FYB2: variants seen among roughly 807,000 people sequenced by gnomAD.
FYB2 encodes FYN-binding protein 2.
In FYB2, 103 loss-of-function variants were observed where a neutral mutation model predicts 94.1. The ratio of observed to expected loss-of-function variants is 1.09; its 90% CI spans 0.93 to 1.29. The LOEUF (loss-of-function observed/expected upper bound fraction) is 1.29, where lower values mean the gene tolerates loss of function less well. FYB2 is among the 50% of genes most tolerant of loss of function. FYB2 has a pLI of 0.00. For missense variants in FYB2, 896 were observed against 841.5 expected, an observed-to-expected ratio of 1.06 and a Z score of -0.80; for synonymous variants, 293 against 287.9, an observed-to-expected ratio of 1.02 and a Z score of -0.18.
intron 15 of FYB2, among the ~76,000 whole-genome samples, chr1:56,734,533 A>C (rs1258210875): frequency 1.3e-5 from 2 of 152,106 alleles, no homozygotes. Flanking sequence ...TGAAGCTGGA[A>C]ACCATCATCC....
Position 56,792,747 on chromosome 1 carries a change from T to C in FYB2, c.66A>G (p.Pro22=), listed in dbSNP as rs962254098. 1.2e-6 allele frequency: 2 copies of C among 1,613,860 alleles called. No homozygotes were observed. The highest frequency in any genetic ancestry group is 3.3e-5 in the Admixed American group (2 of 59,984). Residue 22 remains proline (P), a synonymous_variant, in exon 2 of 20, where the codon CCA becomes CCG. Transcript: ENST00000343433. Reference sequence around the variant, plus strand: ...GGAATTTAATAGGTCCTGGAAGAGGTGGAGCATCAAGATTTTGAAATTTGG... The same window carrying C: ...GGAATTTAATAGGTCCTGGAAGAGGCGGAGCATCAAGATTTTGAAATTTGG... ...LRAKFQNLDA[P]PLPGPIKFPA... is the part of the protein sequence containing the mutation.
intron 4 of FYB2, among the ~76,000 whole-genome samples, chr1:56,772,390 G>T (rs1216278572): frequency 6.6e-6 from 1 of 152,078 alleles, no homozygotes; most frequent in Non-Finnish European, 1.5e-5. Context: ...AAAAAAGAAG[G>T]TTGCAGATGT....
rs567182369 is a variant in FYB2, at chr1:56,803,282, C to T, written c.10-10479G>A. On this transcript the variant is annotated intron_variant, in intron 1 of 19. Transcript: ENST00000343433. ...GATAAATAAAGACCATAAATTGTCT[C>T]ATGTTGGTTCAGGCAGGCTTTTGAA... 2.0e-5 allele frequency among the ~76,000 whole-genome samples: 3 copies of T among 152,304 alleles called. No homozygotes were observed. In the South Asian group the frequency reaches 6.2e-4, roughly 32 times the overall value.
intron 4 of FYB2, among the ~76,000 whole-genome samples, chr1:56,774,629 TACC>T (rs1645833695): frequency 6.6e-6 from 1 of 152,146 alleles, no homozygotes; most frequent in Non-Finnish European, 1.5e-5. Flanking sequence ...CACACAATCC[TACC>T]ACCACATGTA....
chr1:56,776,040 A>G (rs183616334), intron 4 of FYB2, among the ~76,000 whole-genome samples: 7 of 152,324 alleles, frequency 4.6e-5, no homozygotes, highest in African/African-American at 1.4e-4. Flanking sequence ...TGCCCAAGAT[A>G]GCACTGCTAA....
chr1:56,744,484 C>A, intron 9 of FYB2, among the ~76,000 whole-genome samples: 1 of 151,888 alleles, frequency 6.6e-6, no homozygotes, highest in Non-Finnish European at 1.5e-5. Context: ...ATGCTAACAC[C>A]GAATCATGTG....
chr1:56,767,833 A>G lies in FYB2; in HGVS notation c.1059T>C (p.Ala353=). ...TAATTGGCTTAGCAGACTTACGATC[A>G]GCAATTTCTTTTGCAGTGCACAGGT... ...SINLCTAKEI[A]DPTYEVGIEE... is the part of the protein sequence containing the mutation. Residue 353 remains alanine (A), a synonymous_variant, in exon 5 of 20, where the codon GCT becomes GCC. Transcript: ENST00000343433. 6.3e-7 allele frequency: 1 copy of G among 1,597,058 alleles called. No homozygotes were observed. The highest frequency in any genetic ancestry group is 8.6e-7 in the Non-Finnish European group (1 of 1,166,952).
rs1373289656 is a variant in FYB2 at position 56,757,658 on chromosome 1, TTTTTCTTTCTTTCCTCTTTCCTTCCTTCC to T, written c.1098+1029_1098+1057del. On this transcript the variant is annotated intron_variant, in intron 6 of 19. Transcript: ENST00000343433. ...TCTTTTCTTTTCCTTTCTTTCTTTC[TTTTTCTTTCTTTCCTCTTTCCTTCCTTCC>T]TTCTTTCTTTCTTTCTTTCTTTCTT... 2.0e-5 allele frequency among the ~76,000 whole-genome samples: 3 copies of T among 147,226 alleles called. No individual in the cohort carries two copies. In the East Asian group the frequency reaches 6.2e-4, roughly 31 times the overall value.
chr1:56,730,431 A>T (rs1569873704), intron 15 of FYB2, among the ~76,000 whole-genome samples: 1 of 98,202 alleles, frequency 1.0e-5, no homozygotes. Flanking sequence ...GGGGAGGGGG[A>T]GAGGGAGGGG....
intron 16 of FYB2, 129 bp downstream of exon 16, chr1:56,726,368 G>A (rs1276048064): frequency 1.3e-6 from 1 of 757,398 alleles, no homozygotes; most frequent in African/African-American, 1.8e-5. Context: ...TGATGTAGGT[G>A]TTGTTATTCT....
chr1:56,768,824 A>G (rs563236721), intron 4 of FYB2, among the ~76,000 whole-genome samples: 16 of 152,290 alleles, frequency 1.1e-4, no homozygotes, highest in Middle Eastern at 3.4e-3. Flanking sequence ...TTAATTTAAA[A>G]TACATGTGTT....
intron 2 of FYB2, 57 bp downstream of exon 2, chr1:56,791,999 T>G: frequency 6.6e-7 from 1 of 1,512,662 alleles, no homozygotes; most frequent in Non-Finnish European, 8.8e-7. Context: ...GGTTTTCAAG[T>G]AGAAAAACAT....
chr1:56,733,211 T>C (rs1372114057), intron 15 of FYB2, among the ~76,000 whole-genome samples: 1 of 152,048 alleles, frequency 6.6e-6, no homozygotes, highest in Non-Finnish European at 1.5e-5. Flanking sequence ...ACCAATAGTT[T>C]ATTTGGGTAG....
At chr1:56,733,409 T>C (rs1003753882) in intron 15 of FYB2, among the ~76,000 whole-genome samples, 4 of 151,636 alleles carry the variant, frequency 2.6e-5, no homozygotes, top group African/African-American at 7.2e-5. Context: ...TTTTTGAAGG[T>C]TTTTTTGTGT....
intron 15 of FYB2, among the ~76,000 whole-genome samples, chr1:56,735,803 G>A (rs990641460): frequency 4.6e-5 from 7 of 152,054 alleles, no homozygotes; most frequent in Non-Finnish European, 7.4e-5. Context: ...CCAGCCACGC[G>A]GAACTGCGAG....
chr1:56,797,399 A>C (rs748530252), intron 1 of FYB2, among the ~76,000 whole-genome samples: 24 of 152,270 alleles, frequency 1.6e-4, no homozygotes, highest in Non-Finnish European at 1.9e-4. Context: ...TAGGTAAAGC[A>C]GCATCTCTCC....
chr1:56,751,398 A>G (rs1000712597), intron 8 of FYB2, among the ~76,000 whole-genome samples, 195 bp from the exon 9 acceptor site: 3 of 152,036 alleles, frequency 2.0e-5, no homozygotes, highest in East Asian at 1.9e-4. Context: ...TGAATGTTCA[A>G]TGAATGCCTG....
chr1:56,759,526 T>C (rs1341406406), intron 5 of FYB2, among the ~76,000 whole-genome samples: 1 of 152,162 alleles, frequency 6.6e-6, no homozygotes, highest in Non-Finnish European at 1.5e-5. Flanking sequence ...ATAGAAAAGG[T>C]ACAGTAAAAA....
chr1:56,809,707 G>GC (rs1646723625), intron 1 of FYB2, among the ~76,000 whole-genome samples: 2 of 152,206 alleles, frequency 1.3e-5, no homozygotes, highest in South Asian at 4.1e-4. Context: ...CACTCTAATT[G>GC]TTTTTTTACA....
Sources: allele counts gnomAD v4.1 joint callset (sites outside exome capture counted in the v4.1 genomes callset), GRCh38; gene constraint gnomAD v4.1.1; transcripts MANE v1.5; gene names NCBI Gene and HGNC (gene_info 2026-07-23, HGNC 2026-07-21).